The following AKAP5 variants were observed in gnomAD, a reference collection of about 807,000 sequenced individuals.
AKAP5 encodes A-kinase anchor protein 5.
Under a neutral mutation model 13.8 loss-of-function variants are expected in AKAP5, and 5 were observed. The ratio of observed to expected loss-of-function variants is 0.36; its 90% CI spans 0.19 to 0.76. AKAP5 has a LOEUF of 0.76. AKAP5 is among the 30% of genes least tolerant of loss of function. The pLI, the probability that AKAP5 is intolerant of heterozygous loss-of-function variation, is 0.51. For missense variants in AKAP5, 406 were observed against 484.4 expected, an observed-to-expected ratio of 0.84 and a Z score of 1.52; for synonymous variants, 148 against 167.2, an observed-to-expected ratio of 0.89 and a Z score of 0.89.
rs2078665768 is a variant in AKAP5, at chr14:64,471,149, CTTTTCTTT to C, written c.*1476_*1483del. The stretch of plus-strand genomic sequence containing the variant: ...AAGTTAACTTTTTCATCACTATTTT[CTTTTCTTT>C]TTTTTTTTTTTTTGAGATGGAGTCT... On this transcript the variant is annotated 3_prime_UTR_variant, in exon 2 of 2. Transcript: ENST00000394718. 6.7e-6 allele frequency: 1 copy of C among 148,300 alleles called. No homozygotes were observed. The highest frequency in any genetic ancestry group is 2.5e-5 in the African/African-American group (1 of 39,224). The allele number at this position is 148,300 out of a possible 1,614,324, so 9.2% of individuals were successfully genotyped here. A position where few individuals can be genotyped will look rare whatever the true frequency, so the allele number is the denominator to read the frequency against.
At position 64,469,941 on chromosome 14, in the gene AKAP5, T is replaced by C. The variant is rs775886843; in HGVS notation, c.*263T>C. ...TACAGGGAGTTGCTAAAATGGCATA[T>C]GGAGATTGGAGTGCTTTGGGGGAGG... is the stretch of plus-strand genomic sequence containing the variant. On this transcript the variant is annotated 3_prime_UTR_variant, in exon 2 of 2. Coordinates refer to ENST00000394718, the MANE Select transcript of AKAP5 (RefSeq NM_004857.3). 16 of 317,436 alleles carry C rather than the reference T, an allele frequency of 5.0e-5. No individual in the cohort carries two copies. Among genetic ancestry groups the C allele is most frequent in the Non-Finnish European group, 9.0e-5 (15 of 166,360 alleles). 19.7% of individuals were successfully genotyped at this position (317,436 alleles called of 1,614,324 possible). A position where few individuals can be genotyped will look rare whatever the true frequency, so the allele number is the denominator to read the frequency against.
chr14:64,473,741 T>C lies in AKAP5; in HGVS notation c.*4063T>C, dbSNP rs961191085. 4 of 167,142 alleles carry C rather than the reference T, an allele frequency of 2.4e-5. No homozygotes were observed. Among genetic ancestry groups the C allele is most frequent in the African/African-American group, 9.6e-5 (4 of 41,586 alleles). The allele number at this position is 167,142 out of a possible 1,614,324, so 10.4% of individuals were successfully genotyped here. A position where few individuals can be genotyped will look rare whatever the true frequency, so the allele number is the denominator to read the frequency against. ...TACTTTCTAATTTCATCTGATAATATAGCAGGATTTGATTTTTCTGCCTGC... is the reference window on the plus strand; with the variant it reads ...TACTTTCTAATTTCATCTGATAATACAGCAGGATTTGATTTTTCTGCCTGC... On this transcript the variant is annotated 3_prime_UTR_variant, in exon 2 of 2. Coordinates refer to ENST00000394718, the MANE Select transcript of AKAP5 (RefSeq NM_004857.3).
At position 64,473,363 on chromosome 14, in the gene AKAP5, C is replaced by G; in HGVS notation, c.*3685C>G. ...TCCTTCAAGGTAATGTATTTGACAG[C>G]ATGAAGTTTGTGATGATCTTACTTG... On this transcript the variant is annotated 3_prime_UTR_variant, in exon 2 of 2. Transcript: ENST00000394718. The G allele has an allele frequency of 1.2e-5, 2 of 167,166 alleles. No individual in the cohort carries two copies. The allele number at this position is 167,166 out of a possible 1,614,324, so 10.4% of individuals were successfully genotyped here.
At position 64,469,072 on chromosome 14, in the gene AKAP5, A is replaced by C; in HGVS notation, c.678A>C (p.Gly226=). ...LDNGHSAIQT[G]TLILEEIETI... ...ATGGGCATTCTGCTATTCAAACGGG[A>C]ACTCTAATCCTTGAAGAAATTGAAA... Residue 226 remains glycine, a synonymous_variant, in exon 2 of 2, where the codon GGA becomes GGC. Coordinates refer to ENST00000394718, the MANE Select transcript of AKAP5 (RefSeq NM_004857.3). 1 of 1,614,042 alleles carries C rather than the reference A, an allele frequency of 6.2e-7. No individual in the cohort carries two copies. Among genetic ancestry groups the C allele is most frequent in the Non-Finnish European group, 8.5e-7 (1 of 1,179,996 alleles).
chr14:64,471,045 G>T lies in AKAP5; in HGVS notation c.*1367G>T, dbSNP rs984924827. 3.6e-5 allele frequency: 6 copies of T among 166,906 alleles called. No homozygotes were observed. The highest frequency in any genetic ancestry group is 1.4e-4 in the African/African-American group (6 of 41,396). 10.3% of individuals were successfully genotyped at this position (166,906 alleles called of 1,614,324 possible). On this transcript the variant is annotated 3_prime_UTR_variant, in exon 2 of 2. Coordinates refer to ENST00000394718, the MANE Select transcript of AKAP5 (RefSeq NM_004857.3). ...AGAAAAGTGAAAAGTTATTGCTAAA[G>T]CACATTATAATTTAAATGTCAGTAT...
Position 64,469,437 on chromosome 14 carries a change from G to A in AKAP5, c.1043G>A (p.Ser348Asn). ...IAIIITDTEI[S>N]EFDVTKSKNV... ...ATTATTATTACAGACACTGAAATCAGTGAATTTGATGTTACAAAATCTAAA... is the reference window on the plus strand; with the variant it reads ...ATTATTATTACAGACACTGAAATCAATGAATTTGATGTTACAAAATCTAAA... The change falls in exon 2 of 2, where the codon AGT becomes AAT. Residue 348 changes from serine (S) to asparagine (N), a missense_variant. Coordinates refer to ENST00000394718, the MANE Select transcript of AKAP5 (RefSeq NM_004857.3). 6 of 1,613,112 alleles carry A rather than the reference G, an allele frequency of 3.7e-6. No individual in the cohort carries two copies. The highest frequency in any genetic ancestry group is 5.1e-6 in the Non-Finnish European group (6 of 1,179,738).
chr14:64,468,552 C>G lies in AKAP5; in HGVS notation c.158C>G (p.Ser53Cys), dbSNP rs748943738. The G allele has an allele frequency of 4.6e-5, 75 of 1,613,960 alleles. No individual in the cohort carries two copies. Among genetic ancestry groups the G allele is most frequent in the Non-Finnish European group, 5.9e-5 (70 of 1,180,038 alleles). The change falls in exon 2 of 2, where the codon TCT becomes TGT. Residue 53 changes from serine to cysteine, a missense_variant. By Grantham distance (112) the Ser-to-Cys change is moderately radical (BLOSUM62 -1). Coordinates refer to ENST00000394718, the MANE Select transcript of AKAP5 (RefSeq NM_004857.3). ...AAKALKPKAG[S>C]EAADVARKCP... Reference sequence around the variant, plus strand: ...AAAGCACTGAAGCCCAAAGCTGGCTCTGAAGCTGCTGATGTGGCAAGGAAG... The same window carrying G: ...AAAGCACTGAAGCCCAAAGCTGGCTGTGAAGCTGCTGATGTGGCAAGGAAG...
At chr14:64,466,292 T>C (rs1283402898) in intron 1 of AKAP5, among the ~76,000 whole-genome samples, 1 of 152,266 alleles carries the variant, frequency 6.6e-6, no homozygotes, top group Non-Finnish European at 1.5e-5. Flanking sequence ...CAGACTGCAT[T>C]ATTTTCCCTC....
In AKAP5 at chr14:64,468,475, G is replaced by A; in HGVS notation, c.81G>A (p.Arg27=). Reference sequence around the variant, plus strand: ...CAGAAGGTAGTCCTGGGGCTGAAAGGCAGAAGGAAAAGGCATCCATGCTTT... The same window carrying A: ...CAGAAGGTAGTCCTGGGGCTGAAAGACAGAAGGAAAAGGCATCCATGCTTT... ...RSAEGSPGAE[R]QKEKASMLCF... The change falls in exon 2 of 2, where the codon AGG becomes AGA. Residue 27 remains arginine, a synonymous_variant. Transcript: ENST00000394718. 1 of 1,614,092 alleles carries A rather than the reference G, an allele frequency of 6.2e-7. No homozygotes were observed. The highest frequency in any genetic ancestry group is 8.5e-7 in the Non-Finnish European group (1 of 1,180,030).
chr14:64,467,388 TCTTA>T (rs1266909541), intron 1 of AKAP5: 1 of 152,222 alleles, frequency 6.6e-6, no homozygotes, highest in Admixed American at 6.5e-5. Context: ...CTATTACTAC[TCTTA>T]CTGACTTCCA....
At chr14:64,467,427 CAT>C (rs367907906) in intron 1 of AKAP5, 26 of 152,240 alleles carry the variant, frequency 1.7e-4, no homozygotes, top group African/African-American at 2.2e-4. Context: ...ATGGTGGAAA[CAT>C]GTGATACAGC....
Position 64,473,502 on chromosome 14 carries a change from G to A in AKAP5, c.*3824G>A, listed in dbSNP as rs1021155778. The A allele has an allele frequency of 6.0e-6, 1 of 167,010 alleles. No homozygotes were observed. The highest frequency in any genetic ancestry group is 1.5e-5 in the Non-Finnish European group (1 of 68,098). The allele number at this position is 167,010 out of a possible 1,614,324, so 10.3% of individuals were successfully genotyped here. A position where few individuals can be genotyped will look rare whatever the true frequency, so the allele number is the denominator to read the frequency against. On this transcript the variant is annotated 3_prime_UTR_variant, in exon 2 of 2. Transcript: ENST00000394718. Reference sequence around the variant, plus strand: ...GGCATTAAAGATATGGATCATGGAGGCACCAAATTTGGCTTCTGTATGCAA... The same window carrying A: ...GGCATTAAAGATATGGATCATGGAGACACCAAATTTGGCTTCTGTATGCAA...
chr14:64,468,188 A>G lies in AKAP5; in HGVS notation c.-207A>G. The G allele has an allele frequency of 2.7e-6, 1 of 368,928 alleles. No homozygotes were observed. The highest frequency in any genetic ancestry group is 4.8e-6 in the Non-Finnish European group (1 of 206,426). The allele number at this position is 368,928 out of a possible 1,614,324, so 22.9% of individuals were successfully genotyped here. A position where few individuals can be genotyped will look rare whatever the true frequency, so the allele number is the denominator to read the frequency against. Reference sequence around the variant, plus strand: ...AAAGAAGGGCTTTCATCAAGAAATTAAAGAGAGAAATTACAAGCCATAGAG... The same window carrying G: ...AAAGAAGGGCTTTCATCAAGAAATTGAAGAGAGAAATTACAAGCCATAGAG... On this transcript the variant is annotated 5_prime_UTR_variant, in exon 2 of 2. Transcript: ENST00000394718.
rs1257495733 is a variant in AKAP5, at chr14:64,473,715, C to G, written c.*4037C>G. On this transcript the variant is annotated 3_prime_UTR_variant, in exon 2 of 2. Coordinates refer to ENST00000394718, the MANE Select transcript of AKAP5 (RefSeq NM_004857.3). ...TGTCAACTTTATTGAAATATGTAGTCTACTTTCTAATTTCATCTGATAATA... is the reference window on the plus strand; with the variant it reads ...TGTCAACTTTATTGAAATATGTAGTGTACTTTCTAATTTCATCTGATAATA... 1 of 166,898 alleles carries G rather than the reference C, an allele frequency of 6.0e-6. No homozygotes were observed. Among genetic ancestry groups the G allele is most frequent in the Non-Finnish European group, 1.5e-5 (1 of 68,096 alleles). The allele number at this position is 166,898 out of a possible 1,614,324, so 10.3% of individuals were successfully genotyped here. A position where few individuals can be genotyped will look rare whatever the true frequency, so the allele number is the denominator to read the frequency against.
In AKAP5 at chr14:64,469,594, C is replaced by T; in HGVS notation, c.1200C>T (p.Val400=). The T allele has an allele frequency of 6.2e-7, 1 of 1,613,448 alleles. No homozygotes were observed. Among genetic ancestry groups the T allele is most frequent in the Non-Finnish European group, 8.5e-7 (1 of 1,179,760 alleles). ...TLLIETASSL[V]KNAIQLSIEQ... is the part of the protein sequence containing the mutation. The stretch of plus-strand genomic sequence containing the variant: ...TAATTGAAACAGCCTCTTCTCTAGT[C>T]AAGAATGCTATTCAGTTGTCAATAG... Residue 400 remains valine, a synonymous_variant, in exon 2 of 2, where the codon GTC becomes GTT. Coordinates refer to ENST00000394718, the MANE Select transcript of AKAP5 (RefSeq NM_004857.3).
In AKAP5 at chr14:64,469,193, C is replaced by T; in HGVS notation, c.799C>T (p.Pro267Ser). Residue 267 changes from proline to serine, a missense_variant, in exon 2 of 2, where the codon CCT becomes TCT. Physicochemically the swap from Pro to Ser is moderately conservative, Grantham distance 74. Coordinates refer to ENST00000394718, the MANE Select transcript of AKAP5 (RefSeq NM_004857.3). ...HQQPVLSDVPPLPAIPDQQIV... is the reference protein window; with the variant it reads ...HQQPVLSDVPSLPAIPDQQIV... The stretch of plus-strand genomic sequence containing the variant: ...GCAGCCAGTACTTTCTGATGTTCCT[C>T]CTTTACCTGCAATTCCAGATCAACA... The T allele has an allele frequency of 6.2e-7, 1 of 1,614,108 alleles. No individual in the cohort carries two copies.
At position 64,468,851 on chromosome 14, in the gene AKAP5, A is replaced by G. The variant is rs772188101; in HGVS notation, c.457A>G (p.Lys153Glu). Residue 153 changes from lysine to glutamate, a missense_variant, in exon 2 of 2, where the codon AAA becomes GAA. Lys to Glu is a moderately conservative substitution (Grantham distance 56, BLOSUM62 1). Transcript: ENST00000394718. ...TATAGAAGACTCAGACTGCAGCATC[A>G]AAGTCCAGGAAGAAGCTGAAATTTT... is the stretch of plus-strand genomic sequence containing the variant. ...KIIEDSDCSI[K>E]VQEEAEILDI... 5 of 1,614,176 alleles carry G rather than the reference A, an allele frequency of 3.1e-6. No individual in the cohort carries two copies. The highest frequency in any genetic ancestry group is 2.2e-5 in the East Asian group (1 of 44,880).
Position 64,474,482 on chromosome 14 carries a change from GAATA to G in AKAP5, c.*4808_*4811del. The G allele has an allele frequency of 6.0e-6, 1 of 167,052 alleles. No individual in the cohort carries two copies. 10.3% of individuals were successfully genotyped at this position (167,052 alleles called of 1,614,324 possible). A position where few individuals can be genotyped will look rare whatever the true frequency, so the allele number is the denominator to read the frequency against. ...AATTTATGTACTGATTATTAATACA[GAATA>G]AATGTTATATTGACTCATGTTTATT... On this transcript the variant is annotated 3_prime_UTR_variant, in exon 2 of 2. Transcript: ENST00000394718.
rs1159061580 is a variant in AKAP5 at position 64,469,483 on chromosome 14, A to T, written c.1089A>T (p.Leu363Phe). ...TKSKNVPKQF[L>F]ISAENEQVGV... ...CTAAAAATGTCCCTAAGCAATTCTT[A>T]ATTTCAGCTGAAAATGAGCAAGTAG... Residue 363 changes from leucine (L) to phenylalanine (F), a missense_variant, in exon 2 of 2, where the codon TTA becomes TTT. Transcript: ENST00000394718. The T allele has an allele frequency of 6.2e-7, 1 of 1,613,192 alleles. No homozygotes were observed. Among genetic ancestry groups the T allele is most frequent in the South Asian group, 1.1e-5 (1 of 90,662 alleles).
Sources: allele counts gnomAD v4.1 joint callset (sites outside exome capture counted in the v4.1 genomes callset), GRCh38; gene constraint gnomAD v4.1.1; transcripts MANE v1.5; gene names NCBI Gene and HGNC (gene_info 2026-07-23, HGNC 2026-07-21).